Variants in FGD3 observed in about 807,000 individuals in gnomAD.
FGD3 encodes the protein FYVE, RhoGEF and PH domain containing 3, also known as FYVE, RhoGEF and PH domain-containing protein 3.
In FGD3, 45 loss-of-function variants were observed where a neutral mutation model predicts 71.8. The observed-to-expected ratio is 0.63, with a 90% CI of 0.49 to 0.80. The LOEUF is 0.80. FGD3 is among the 30% of genes least tolerant of loss of function. The pLI, the probability that FGD3 is intolerant of heterozygous loss-of-function variation, is 0.00. For missense variants in FGD3, 844 were observed against 951.5 expected (o/e 0.89, Z 1.49); for synonymous variants, 378 against 392.8 (o/e 0.96, Z 0.44).
intron 10 of FGD3, among the ~76,000 whole-genome samples, chr9:93,016,265 T>C (rs1861681844): frequency 6.6e-6 from 1 of 151,944 alleles, no homozygotes; most frequent in Non-Finnish European, 1.5e-5. Flanking sequence ...CTGAGCTCTT[T>C]CCTGTCCTCC....
chr9:92,953,389 C>T lies in FGD3; in HGVS notation c.-218+5660C>T, dbSNP rs115024016. ...TTACGTCTCCTGAGTGGAAAGCTCT[C>T]AAAATGCCACTTGGTCTAAGAGTTT... On this transcript the variant is annotated intron_variant, in intron 1 of 17. Coordinates refer to ENST00000375482, the MANE Select transcript of FGD3 (RefSeq NM_001083536.2). Among the ~76,000 whole-genome samples, 1,005 of 152,318 alleles carry T rather than the reference C, an allele frequency of 6.6e-3. 9 individuals carry two copies. The highest frequency in any genetic ancestry group is 0.023 in the African/African-American group (944 of 41,560).
At chr9:93,031,610 A>G (rs1409441748) in intron 15 of FGD3, among the ~76,000 whole-genome samples, 1 of 152,208 alleles carries the variant, frequency 6.6e-6, no homozygotes, top group African/African-American at 2.4e-5. Context: ...GGTGCCTTCC[A>G]TCTACTTGAA....
rs555953499 is a variant in FGD3 at position 93,000,914 on chromosome 9, A to G, written c.454-2011A>G. On this transcript the variant is annotated intron_variant, in intron 3 of 17. Coordinates refer to ENST00000375482, the MANE Select transcript of FGD3 (RefSeq NM_001083536.2). ...TCTCTCTTCTCTTTTGGAACTTACA[A>G]GTGCATATATTGATCTACTTGATAG... Among the ~76,000 whole-genome samples the G allele has an allele frequency of 2.9e-3, 442 of 152,158 alleles. 7 individuals carry two copies. Among genetic ancestry groups the G allele is most frequent in the African/African-American group, 0.01 (417 of 41,538 alleles).
chr9:93,021,641 C>T (rs1280134997), intron 13 of FGD3, among the ~76,000 whole-genome samples: 5 of 152,194 alleles, frequency 3.3e-5, no homozygotes, highest in Admixed American at 6.5e-5. Context: ...CCCCAACTCT[C>T]GCCGCCTGAC....
In FGD3 at chr9:93,029,852, G is replaced by T. The variant is rs772692654; in HGVS notation, c.1558-22G>T. The T allele has an allele frequency of 4.4e-5, 70 of 1,608,176 alleles. No homozygotes were observed. In the East Asian group the frequency reaches 1.6e-3, roughly 36 times the overall value. On this transcript the variant is annotated intron_variant, in intron 14 of 17. Coordinates refer to ENST00000375482, the MANE Select transcript of FGD3 (RefSeq NM_001083536.2). ...TGCACACATGATTCAGAAGCTGATG[G>T]CATCTATTTGCCTCCTTATAGCTCG...
intron 1 of FGD3, among the ~76,000 whole-genome samples, chr9:92,960,446 C>T (rs1859149020): frequency 6.6e-6 from 1 of 152,164 alleles, no homozygotes; most frequent in African/African-American, 2.4e-5. Flanking sequence ...AGCTGCCTTC[C>T]TCCTTAAACC....
chr9:93,005,540 A>G (rs1037355201), intron 5 of FGD3, among the ~76,000 whole-genome samples: 24 of 152,166 alleles, frequency 1.6e-4, no homozygotes, highest in African/African-American at 5.5e-4. Context: ...GACGATTAGT[A>G]TATTTTTCTG....
chr9:93,020,589 G>A, intron 13 of FGD3, 165 bp downstream of exon 13: 1 of 615,246 alleles, frequency 1.6e-6, no homozygotes, highest in Non-Finnish European at 2.9e-6. Context: ...AAAAACTTAA[G>A]ACAAATTAAA....
intron 3 of FGD3, among the ~76,000 whole-genome samples, chr9:92,988,109 G>A (rs1860258875): frequency 6.6e-6 from 1 of 152,208 alleles, no homozygotes; most frequent in Non-Finnish European, 1.5e-5. Context: ...ATTGAAGGGT[G>A]AGGAGGGCGG....
At chr9:93,033,172 C>A in intron 16 of FGD3, 1 of 451,216 alleles carries the variant, frequency 2.2e-6, no homozygotes. Flanking sequence ...ATTGAAGCTG[C>A]CCTCAAGTCC....
At chr9:93,029,414 G>A (rs1484527514) in intron 14 of FGD3, among the ~76,000 whole-genome samples, 5 of 152,128 alleles carry the variant, frequency 3.3e-5, no homozygotes, top group South Asian at 2.1e-4. Flanking sequence ...TCCATGTGGC[G>A]TGCCTGGAGG....
chr9:92,947,869 A>G (rs988410562), intron 1 of FGD3, 140 bp downstream of exon 1: 1 of 152,390 alleles, frequency 6.6e-6, no homozygotes, highest in Non-Finnish European at 1.5e-5. Context: ...CCTTCTGCAG[A>G]AGGAGGAGGT....
intron 3 of FGD3, among the ~76,000 whole-genome samples, chr9:92,991,786 T>C: frequency 6.6e-6 from 1 of 152,222 alleles, no homozygotes; most frequent in East Asian, 1.9e-4. Flanking sequence ...GAGGTCTATC[T>C]TTCCCTTTAT....
rs547210870 is a variant in FGD3 at position 93,028,218 on chromosome 9, G to GCACACA, written c.1558-1642_1558-1637dup. Reference sequence around the variant, plus strand: ...CCCCGACACACACACACACACACACGCACACACACACACACACACCCCAAT... The same window carrying GCACACA: ...CCCCGACACACACACACACACACACGCACACACACACACACACACACACACCCCAAT... On this transcript the variant is annotated intron_variant, in intron 14 of 17. Coordinates refer to ENST00000375482, the MANE Select transcript of FGD3 (RefSeq NM_001083536.2). Among the ~76,000 whole-genome samples, 197 of 141,082 alleles carry GCACACA rather than the reference G, an allele frequency of 1.4e-3. 3 individuals carry two copies. The highest frequency in any genetic ancestry group is 3.5e-3 in the Admixed American group (50 of 14,120). 92.6% of individuals were successfully genotyped at this position (141,082 alleles called of 152,430 possible).
intron 14 of FGD3, among the ~76,000 whole-genome samples, chr9:93,029,201 C>G (rs370794129): frequency 7.9e-5 from 12 of 151,710 alleles, no homozygotes; most frequent in African/African-American, 2.9e-4. Flanking sequence ...CCATGCCCGG[C>G]TATTTTTTGT....
intron 3 of FGD3, among the ~76,000 whole-genome samples, chr9:92,999,201 G>C (rs1860762788): frequency 6.6e-6 from 1 of 152,188 alleles, no homozygotes; most frequent in Non-Finnish European, 1.5e-5. Context: ...CCTCGCTGCT[G>C]CCTTGCAGTT....
Position 93,013,892 on chromosome 9 carries a change from G to C in FGD3, c.1076G>C (p.Gly359Ala). ...CTCTTGGAGGTGTACGAGCAGCTGGGTGGGGAAGAAGACATTGTCAACCCG... is the reference window on the plus strand; with the variant it reads ...CTCTTGGAGGTGTACGAGCAGCTGGCTGGGGAAGAAGACATTGTCAACCCG... ...HKLLEVYEQL[G>A]GEEDIVNPAN... The change falls in exon 9 of 18, where the codon GGT (glycine) becomes GCT (alanine). Residue 359 changes from glycine (G) to alanine (A), a missense_variant. Coordinates refer to ENST00000375482, the MANE Select transcript of FGD3 (RefSeq NM_001083536.2). The C allele has an allele frequency of 6.2e-7, 1 of 1,612,700 alleles. No individual in the cohort carries two copies. The highest frequency in any genetic ancestry group is 8.5e-7 in the Non-Finnish European group (1 of 1,179,528).
chr9:92,956,789 C>T (rs1168032415), intron 1 of FGD3, among the ~76,000 whole-genome samples: 1 of 151,862 alleles, frequency 6.6e-6, no homozygotes, highest in African/African-American at 2.4e-5. Context: ...CTTCATCTAA[C>T]AGTCTTTTGT....
At chr9:93,022,571 A>G (rs1861963673) in intron 14 of FGD3, among the ~76,000 whole-genome samples, 182 bp downstream of exon 14, 1 of 152,048 alleles carries the variant, frequency 6.6e-6, no homozygotes, top group African/African-American at 2.4e-5. Flanking sequence ...AGGTGAAGCT[A>G]TGTCTGAGTC....
Sources: gnomAD v4.1 joint callset for allele counts (sites outside exome capture counted in the v4.1 genomes callset) on GRCh38, gnomAD v4.1.1 for gene constraint, MANE v1.5 for transcripts, NCBI Gene and HGNC (gene_info 2026-07-23, HGNC 2026-07-21) for gene names.